The following LYPD2 variants were observed in gnomAD, a reference collection of about 807,000 sequenced individuals.
The protein encoded by LYPD2 is ly6/PLAUR domain-containing protein 2.
Under a neutral mutation model 7.1 loss-of-function variants are expected in LYPD2, and 5 were observed. That is an observed-to-expected ratio of 0.70 (90% CI 0.37 to 1.48). LYPD2 has a LOEUF of 1.48. Among genes scored for constraint, LYPD2 ranks in the 40% most tolerant of loss-of-function variants. The pLI is 0.03. For missense variants in LYPD2, 177 were observed against 171.0 expected (o/e 1.04, Z -0.20); for synonymous variants, 78 against 82.0 (o/e 0.95, Z 0.26).
intron 2 of LYPD2, 138 bp from the exon 3 acceptor site, chr8:142,750,620 T>G (rs1814682928): frequency 3.7e-6 from 3 of 812,758 alleles, no homozygotes; most frequent in Non-Finnish European, 5.9e-6. Context: ...AGTGCCCTCC[T>G]CTTCCTCTCT....
chr8:142,751,853 C>T (rs587715481), intron 1 of LYPD2, among the ~76,000 whole-genome samples: 1 of 152,284 alleles, frequency 6.6e-6, no homozygotes, highest in East Asian at 1.9e-4. Context: ...GGGCCTCTGC[C>T]CCTCTCTGGT....
intron 2 of LYPD2, among the ~76,000 whole-genome samples, chr8:142,750,820 A>G (rs1204117397): frequency 6.6e-6 from 1 of 152,252 alleles, no homozygotes; most frequent in Non-Finnish European, 1.5e-5. Flanking sequence ...AGGGGAGGGC[A>G]GAGGGAGGCC....
intron 2 of LYPD2, 85 bp from the exon 3 acceptor site, chr8:142,750,567 C>T (rs2130036138): frequency 7.3e-7 from 1 of 1,371,670 alleles, no homozygotes; most frequent in Non-Finnish European, 1.0e-6. Context: ...CATGCAGGCC[C>T]CACTCTGGGG....
rs746035634 is a variant in LYPD2, at chr8:142,750,460, G to A, written c.201C>T (p.Ser67=). Residue 67 remains serine, a synonymous_variant, in exon 3 of 3, where the codon TCC becomes TCT. Coordinates refer to ENST00000359228, the MANE Select transcript of LYPD2 (RefSeq NM_205545.3). ...TGCTGGCACAGGACTTGGTCACCGTGGAGTCCCCCTGGAAGGGGTACACTG... is the reference window on the plus strand; with the variant it reads ...TGCTGGCACAGGACTTGGTCACCGTAGAGTCCCCCTGGAAGGGGTACACTG... ...REIVYPFQGD[S]TVTKSCASKC... is the part of the protein sequence containing the mutation. The A allele has an allele frequency of 6.3e-7, 1 of 1,587,550 alleles. No homozygotes were observed. Among genetic ancestry groups the A allele is most frequent in the Non-Finnish European group, 8.6e-7 (1 of 1,166,714 alleles).
intron 1 of LYPD2, 144 bp downstream of exon 1, chr8:142,752,250 C>CG (rs140886582): frequency 6.8e-5 from 56 of 821,874 alleles, no homozygotes; most frequent in East Asian, 4.5e-4. Flanking sequence ...CTCCTTATGG[C>CG]GGGGGGGCCA....
Position 142,750,448 on chromosome 8 carries a change from C to G in LYPD2, c.213G>C (p.Lys71Asn). 1 of 1,590,100 alleles carries G rather than the reference C, an allele frequency of 6.3e-7. No homozygotes were observed. Among genetic ancestry groups the G allele is most frequent in the Non-Finnish European group, 8.6e-7 (1 of 1,168,050 alleles). ...YPFQGDSTVT[K>N]SCASKCKPSD... is the part of the protein sequence containing the mutation. ...AGGGCTTACACTTGCTGGCACAGGA[C>G]TTGGTCACCGTGGAGTCCCCCTGGA... The change falls in exon 3 of 3, where the codon AAG becomes AAC. Residue 71 changes from lysine (K) to asparagine (N), a missense_variant. By Grantham distance (94) the Lys-to-Asn change is moderately conservative. Coordinates refer to ENST00000359228, the MANE Select transcript of LYPD2 (RefSeq NM_205545.3).
chr8:142,750,902 G>A, intron 2 of LYPD2, 149 bp downstream of exon 2: 1 of 1,412,262 alleles, frequency 7.1e-7, no homozygotes, highest in Non-Finnish European at 9.7e-7. Flanking sequence ...GCTGGCTGGT[G>A]GTGACTGGGC....
At chr8:142,750,941 C>A in intron 2 of LYPD2, 110 bp downstream of exon 2, 1 of 1,556,102 alleles carries the variant, frequency 6.4e-7, no homozygotes, top group Non-Finnish European at 8.7e-7. Context: ...GGAACCCAGC[C>A]CTGCCCGCCT....
At chr8:142,751,019 C>G (rs1416444707) in intron 2 of LYPD2, 32 bp downstream of exon 2, 1 of 1,613,398 alleles carries the variant, frequency 6.2e-7, no homozygotes, top group Non-Finnish European at 8.5e-7. Flanking sequence ...TGACCGGGAA[C>G]CCGGCCCTGC....
Position 142,750,420 on chromosome 8 carries a change from C to T in LYPD2, c.241G>A (p.Asp81Asn). Reference protein sequence around the residue: ...KSCASKCKPSDVDGIGQTLPV... With the variant: ...KSCASKCKPSNVDGIGQTLPV... ...AGGGTCTGGCCGATGCCATCCACAT[C>T]CGAGGGCTTACACTTGCTGGCACAG... Residue 81 changes from aspartate to asparagine, a missense_variant, in exon 3 of 3, where the codon GAT becomes AAT. Asp to Asn is a conservative substitution (Grantham distance 23, BLOSUM62 1). Transcript: ENST00000359228. 6 of 1,588,548 alleles carry T rather than the reference C, an allele frequency of 3.8e-6. No homozygotes were observed. Among genetic ancestry groups the T allele is most frequent in the Non-Finnish European group, 4.3e-6 (5 of 1,167,316 alleles).
chr8:142,752,217 C>T (rs1001374248), intron 1 of LYPD2, among the ~76,000 whole-genome samples, 177 bp downstream of exon 1: 1 of 152,120 alleles, frequency 6.6e-6, no homozygotes, highest in Non-Finnish European at 1.5e-5. Flanking sequence ...ACCGCCAGCC[C>T]CTCTCTCCGT....
intron 1 of LYPD2, 107 bp from the exon 2 acceptor site, chr8:142,751,277 G>A: frequency 6.9e-7 from 1 of 1,449,444 alleles, no homozygotes; most frequent in Non-Finnish European, 9.3e-7. Flanking sequence ...ACTGGCCAGG[G>A]TAGAGATGCC....
chr8:142,750,871 G>A (rs1039397718), intron 2 of LYPD2, among the ~76,000 whole-genome samples, 180 bp downstream of exon 2: 2 of 152,274 alleles, frequency 1.3e-5, no homozygotes, highest in African/African-American at 4.8e-5. Context: ...GGGTGAGGTG[G>A]TGGCTGTGCA....
At position 142,750,375 on chromosome 8, in the gene LYPD2, T is replaced by G; in HGVS notation, c.286A>C (p.Thr96Pro). 1.9e-6 allele frequency: 3 copies of G among 1,569,940 alleles called. No individual in the cohort carries two copies. Among genetic ancestry groups the G allele is most frequent in the Non-Finnish European group, 2.6e-6 (3 of 1,157,446 alleles). The change falls in exon 3 of 3, where the codon ACT becomes CCT. Residue 96 changes from threonine to proline, a missense_variant. Transcript: ENST00000359228. ...GCCCCGTCTACATTGCACAGCTCAG[T>G]ATTGCAGCAGGACACGGGCAGGGTC... ...GQTLPVSCCN[T>P]ELCNVDGAPA...
Position 142,750,324 on chromosome 8 carries a change from C to G in LYPD2, c.337G>C (p.Gly113Arg), listed in dbSNP as rs1415988261. 3.2e-6 allele frequency: 5 copies of G among 1,554,616 alleles called. No individual in the cohort carries two copies. The South Asian group carries it at 4.7e-5, about 15-fold the overall frequency. ...GAPALNSLHC[G>R]ALTLLPLLSL... is the part of the protein sequence containing the mutation. ...AAGAGTGGGAGGAGCGTGAGGGCCC[C>G]GCAGTGGAGGCTGTTCAGAGCGGGC... Residue 113 changes from glycine to arginine, a missense_variant, in exon 3 of 3, where the codon GGG becomes CGG. Gly to Arg is a moderately radical substitution (Grantham distance 125). Transcript: ENST00000359228.
At chr8:142,750,517 G>A in intron 2 of LYPD2, 35 bp from the exon 3 acceptor site, 1 of 1,547,648 alleles carries the variant, frequency 6.5e-7, no homozygotes, top group South Asian at 1.2e-5. Flanking sequence ...CGTCAGGGCT[G>A]GTCACTGCCT....
chr8:142,750,640 G>A (rs1006550648), intron 2 of LYPD2, among the ~76,000 whole-genome samples, 158 bp from the exon 3 acceptor site: 2 of 152,200 alleles, frequency 1.3e-5, no homozygotes, highest in Non-Finnish European at 2.9e-5. Flanking sequence ...TCCTCCCACC[G>A]ACGTTGTCCG....
intron 1 of LYPD2, among the ~76,000 whole-genome samples, chr8:142,751,437 T>C (rs1304918889): frequency 2.0e-5 from 3 of 152,084 alleles, no homozygotes; most frequent in Non-Finnish European, 4.4e-5. Flanking sequence ...CCAAGCCCCT[T>C]TGGAAGTGTT....
At position 142,751,911 on chromosome 8, in the gene LYPD2, G is replaced by A. The variant is rs75563506; in HGVS notation, c.58+483C>T. On this transcript the variant is annotated intron_variant, in intron 1 of 2. Transcript: ENST00000359228. ...CAAAGCCATCTGCCAGGGGCCTCTGGGCCAAGCTGCTTCTGGTTGAGTCCA... is the reference window on the plus strand; with the variant it reads ...CAAAGCCATCTGCCAGGGGCCTCTGAGCCAAGCTGCTTCTGGTTGAGTCCA... Among the ~76,000 whole-genome samples, 934 of 152,222 alleles carry A rather than the reference G, an allele frequency of 6.1e-3. 5 individuals are homozygous for A. The highest frequency in any genetic ancestry group is 7.6e-3 in the Admixed American group (116 of 15,298).
Sources: allele counts gnomAD v4.1 joint callset (sites outside exome capture counted in the v4.1 genomes callset), GRCh38; gene constraint gnomAD v4.1.1; transcripts MANE v1.5; gene names NCBI Gene and HGNC (gene_info 2026-07-23, HGNC 2026-07-21).